Variants in PALS1 observed in about 807,000 individuals in gnomAD.
PALS1 encodes the protein protein associated with LIN7 1, MAGUK p55 family member.
PALS1 carries 31 observed loss-of-function variants against 78.9 expected under a neutral mutation model. The ratio of observed to expected loss-of-function variants is 0.39; its 90% CI spans 0.30 to 0.53. The LOEUF (loss-of-function observed/expected upper bound fraction) is 0.53, where lower values mean the gene tolerates loss of function less well. Among genes scored for constraint, PALS1 ranks in the 20% least tolerant of loss-of-function variants. The pLI is 0.67. For missense variants in PALS1, 704 were observed against 826.5 expected (o/e 0.85, Z 1.82); for synonymous variants, 276 against 270.9 (o/e 1.02, Z -0.18).
At chr14:67,291,602 T>C (rs1044909859) in intron 3 of PALS1, among the ~76,000 whole-genome samples, 3 of 152,156 alleles carry the variant, frequency 2.0e-5, no homozygotes, top group African/African-American at 7.2e-5. Flanking sequence ...TTCTTAACCA[T>C]TTTAGAATAA....
At chr14:67,308,991 C>T (rs969816752) in intron 8 of PALS1, among the ~76,000 whole-genome samples, 1 of 151,898 alleles carries the variant, frequency 6.6e-6, no homozygotes, top group Non-Finnish European at 1.5e-5. Context: ...CAAATGTGAA[C>T]AGCTTATAGA....
Position 67,331,921 on chromosome 14 carries a change from C to T in PALS1, c.1852-859C>T, listed in dbSNP as rs192224658. Among the ~76,000 whole-genome samples the T allele has an allele frequency of 5.3e-3, 795 of 150,866 alleles. 8 individuals are homozygous for T. The highest frequency in any genetic ancestry group is 0.018 in the African/African-American group (752 of 40,754). On this transcript the variant is annotated intron_variant, in intron 14 of 14. Transcript: ENST00000261681. ...ATTCTGTGTGCCATATTCAGATGTA[C>T]AACATTCCAGAATGAGAGTCATGCA...
intron 1 of PALS1, among the ~76,000 whole-genome samples, chr14:67,246,592 C>T (rs2140414415): frequency 6.6e-6 from 1 of 151,078 alleles, no homozygotes. Context: ...CCTTCCACCT[C>T]AACCTCCAAA....
At chr14:67,303,888 C>T (rs2084963612) in intron 8 of PALS1, among the ~76,000 whole-genome samples, 1 of 152,042 alleles carries the variant, frequency 6.6e-6, no homozygotes, top group Admixed American at 6.6e-5. Flanking sequence ...CCACCTCAGC[C>T]TCTTGAGTAG....
chr14:67,303,660 T>A, intron 8 of PALS1, 61 bp downstream of exon 8: 6 of 1,141,678 alleles, frequency 5.3e-6, no homozygotes, highest in Non-Finnish European at 8.0e-6. Flanking sequence ...CTTCTGTTAC[T>A]GTTTACTGTT....
At chr14:67,246,998 A>T (rs2083998008) in intron 1 of PALS1, among the ~76,000 whole-genome samples, 1 of 151,992 alleles carries the variant, frequency 6.6e-6, no homozygotes, top group Non-Finnish European at 1.5e-5. Flanking sequence ...TGACTCTTCC[A>T]CTGTATTCTT....
At chr14:67,273,453 C>T (rs2084447216) in intron 2 of PALS1, among the ~76,000 whole-genome samples, 1 of 152,314 alleles carries the variant, frequency 6.6e-6, no homozygotes, top group South Asian at 2.1e-4. Context: ...GACATGAACT[C>T]ATCCTTTTTT....
chr14:67,246,352 A>T (rs891160300), intron 1 of PALS1, among the ~76,000 whole-genome samples: 5 of 151,214 alleles, frequency 3.3e-5, no homozygotes, highest in South Asian at 2.1e-4. Context: ...TGTATTATTT[A>T]AAAATTTTTT....
intron 1 of PALS1, among the ~76,000 whole-genome samples, chr14:67,262,600 C>T (rs1254772533): frequency 1.3e-5 from 2 of 152,172 alleles, no homozygotes; most frequent in Non-Finnish European, 2.9e-5. Flanking sequence ...TTATTGGCCA[C>T]TCCACTTACA....
At chr14:67,263,854 G>T (rs2084274074) in intron 1 of PALS1, among the ~76,000 whole-genome samples, 2 of 151,638 alleles carry the variant, frequency 1.3e-5, no homozygotes, top group Non-Finnish European at 2.9e-5. Context: ...TTAAATAATT[G>T]TTCTGCTCTT....
chr14:67,265,564 GAAAAAT>G (rs897657504), intron 1 of PALS1, among the ~76,000 whole-genome samples: 1 of 150,568 alleles, frequency 6.6e-6, no homozygotes, highest in Admixed American at 6.6e-5. Context: ...CTATTTAAAA[GAAAAAT>G]AAAAAAGCCA....
At chr14:67,302,646 T>A (rs921483977) in intron 7 of PALS1, 75 bp downstream of exon 7, 34 of 1,141,554 alleles carry the variant, frequency 3.0e-5, no homozygotes, top group Non-Finnish European at 3.6e-5. Flanking sequence ...AAAATATTTT[T>A]AAAATAACTG....
intron 8 of PALS1, among the ~76,000 whole-genome samples, chr14:67,304,845 G>A (rs945047329): frequency 3.3e-5 from 5 of 152,166 alleles, no homozygotes; most frequent in Non-Finnish European, 5.9e-5. Context: ...TAACATGGAA[G>A]CTTGATGTAT....
chr14:67,247,839 A>C (rs1026840042), intron 1 of PALS1, among the ~76,000 whole-genome samples: 1 of 152,102 alleles, frequency 6.6e-6, no homozygotes, highest in Non-Finnish European at 1.5e-5. Flanking sequence ...TCAGCCTCCC[A>C]AAGTGCTGGG....
At chr14:67,326,610 T>C (rs2085362444) in intron 14 of PALS1, among the ~76,000 whole-genome samples, 1 of 152,174 alleles carries the variant, frequency 6.6e-6, no homozygotes, top group South Asian at 2.1e-4. Context: ...AGTTTTCTTA[T>C]GCCCCTTTGA....
chr14:67,303,603 A>G lies in PALS1; in HGVS notation c.1041+4A>G, dbSNP rs765265554. On this transcript the variant is annotated splice_donor_region_variant and intron_variant, in intron 8 of 14. Coordinates refer to ENST00000261681, the MANE Select transcript of PALS1 (RefSeq NM_022474.4). ...GCCTCCTGCCAAGGAAACAGTAGTA[A>G]GTGATTTTTAAATGTTCATTATTTA... 2.5e-6 allele frequency: 4 copies of G among 1,606,784 alleles called. No homozygotes were observed. The highest frequency in any genetic ancestry group is 3.4e-6 in the Non-Finnish European group (4 of 1,173,396).
chr14:67,323,232 CGTGT>C (rs35018637), intron 13 of PALS1, among the ~76,000 whole-genome samples: 67,620 of 143,366 alleles, frequency 0.47, 18,658 homozygotes, highest in Non-Finnish European at 0.62. Context: ...CATATATACA[CGTGT>C]GTGTGTGTGT....
chr14:67,323,068 T>C (rs2085285356), intron 13 of PALS1, among the ~76,000 whole-genome samples: 1 of 152,170 alleles, frequency 6.6e-6, no homozygotes, highest in African/African-American at 2.4e-5. Flanking sequence ...GTTATTGTAA[T>C]CTGTATGTGA....
At chr14:67,307,774 T>C (rs1035104016) in intron 8 of PALS1, among the ~76,000 whole-genome samples, 1 of 152,040 alleles carries the variant, frequency 6.6e-6, no homozygotes, top group Admixed American at 6.6e-5. Flanking sequence ...TAGTAAGAGA[T>C]ACAGAAATAA....
Sources: allele counts gnomAD v4.1 joint callset (sites outside exome capture counted in the v4.1 genomes callset), GRCh38; gene constraint gnomAD v4.1.1; transcripts MANE v1.5; gene names NCBI Gene and HGNC (gene_info 2026-07-23, HGNC 2026-07-21).